UNC13B: variants seen among roughly 807,000 people sequenced by gnomAD.
The protein encoded by UNC13B is unc-13 homolog B.
A neutral mutation model predicts 211.0 loss-of-function variants in UNC13B; 144 were observed. That is an observed-to-expected ratio of 0.68 (90% CI 0.60 to 0.78). UNC13B has a LOEUF of 0.78. UNC13B is among the 30% of genes least tolerant of loss of function. The pLI is 0.00. For synonymous variants in UNC13B, 709 were observed against 725.8 expected (o/e 0.98, Z 0.37); for missense variants, 1,777 against 2,002.0 (o/e 0.89, Z 2.14).
chr9:35,351,324 G>A (rs1564156547), intron 11 of UNC13B: 2 of 1,220,194 alleles, frequency 1.6e-6, no homozygotes, highest in Non-Finnish European at 1.0e-6. Flanking sequence ...GGATCCAGGG[G>A]CATGTGCGAG....
At position 35,293,141 on chromosome 9, in the gene UNC13B, C is replaced by T. The variant is rs140343460; in HGVS notation, c.527-2555C>T. 7.6e-3 allele frequency among the ~76,000 whole-genome samples: 1,157 copies of T among 152,288 alleles called. 20 individuals carry two copies. Among genetic ancestry groups the T allele is most frequent in the African/African-American group, 0.027 (1,111 of 41,562 alleles). On this transcript the variant is annotated intron_variant, in intron 7 of 39. Coordinates refer to ENST00000635942, the MANE Select transcript of UNC13B (RefSeq NM_001371189.2). The stretch of plus-strand genomic sequence containing the variant: ...CTTAGTATATTCTCTCTCTTGCCCT[C>T]TCCTGCTTTTCATATTCTCTTCTAC...
intron 6 of UNC13B, among the ~76,000 whole-genome samples, chr9:35,254,917 TA>T (rs1826736483): frequency 1.2e-5 from 1 of 81,968 alleles, no homozygotes; most frequent in Non-Finnish European, 2.6e-5. Context: ...ATATATAATA[TA>T]CATATATAAT....
intron 11 of UNC13B, among the ~76,000 whole-genome samples, chr9:35,334,712 A>C (rs1168587711): frequency 1.3e-5 from 2 of 152,186 alleles, no homozygotes; most frequent in African/African-American, 4.8e-5. Flanking sequence ...CTTAGTAAAA[A>C]CTCAGCAAAG....
chr9:35,297,561 T>TTTTTTTTTTTTTTTTTTTTGTTTG, intron 8 of UNC13B, among the ~76,000 whole-genome samples: 3 of 128,164 alleles, frequency 2.3e-5, no homozygotes, highest in African/African-American at 8.8e-5. Flanking sequence ...TTTTTTTTTT[T>TTTTTTTTTTTTTTTTTTTTGTTTG]TTTTTTGAGA....
intron 11 of UNC13B, among the ~76,000 whole-genome samples, chr9:35,356,484 G>A (rs1833030527): frequency 6.6e-6 from 1 of 151,744 alleles, no homozygotes; most frequent in Non-Finnish European, 1.5e-5. Context: ...CTTTGATCAG[G>A]GCCATTAGAT....
chr9:35,342,168 G>A (rs1453126491), intron 11 of UNC13B: 1 of 985,334 alleles, frequency 1.0e-6, no homozygotes, highest in Non-Finnish European at 1.2e-6. Context: ...TTGTCGGTTG[G>A]GCAAGCAGTG....
At position 35,384,254 on chromosome 9, in the gene UNC13B, A is replaced by AT. The variant is rs1413089737; in HGVS notation, c.10818dup (p.Val3607CysfsTer21). 1.2e-6 allele frequency: 2 copies of AT among 1,614,036 alleles called. No homozygotes were observed. The highest frequency in any genetic ancestry group is 1.7e-6 in the Non-Finnish European group (2 of 1,179,952). ...TTGTTTCTCACCCTCAGAAAGAGAG[A>AT]TTTGTAAAACTGCTGGACCAGCTAC... On this transcript the variant is annotated frameshift_variant, in exon 22 of 40. Transcript: ENST00000635942. LOFTEE classifies it high-confidence loss of function.
chr9:35,296,643 T>C (rs1829374691), intron 8 of UNC13B, among the ~76,000 whole-genome samples: 1 of 152,194 alleles, frequency 6.6e-6, no homozygotes, highest in South Asian at 2.1e-4. Context: ...TTTGGAGACA[T>C]AATTCAATGA....
rs370882921 is a variant in UNC13B, at chr9:35,403,829, C to T, written c.12819C>T (p.Arg4273=). 3.5e-5 allele frequency: 56 copies of T among 1,614,144 alleles called. 2 individuals are homozygous for T. Among genetic ancestry groups the T allele is most frequent in the African/African-American group, 3.3e-4 (25 of 75,016 alleles). Residue 4273 remains arginine, a synonymous_variant, in exon 40 of 40, where the codon CGC becomes CGT. Coordinates refer to ENST00000635942, the MANE Select transcript of UNC13B (RefSeq NM_001371189.2). Reference sequence around the variant, plus strand: ...ATTACTGCTTTGCCCGGGAAGATCGCGTGCTAGGGCTGGCTGTGATGCCTC... The same window carrying T: ...ATTACTGCTTTGCCCGGGAAGATCGTGTGCTAGGGCTGGCTGTGATGCCTC... ...VKDYCFARED[R]VLGLAVMPLR...
chr9:35,400,465 G>A (rs553025926), intron 37 of UNC13B, 22 bp downstream of exon 37: 1 of 1,606,886 alleles, frequency 6.2e-7, no homozygotes, highest in African/African-American at 1.3e-5. Flanking sequence ...AGGGCTTTGG[G>A]TATCCACCTC....
At chr9:35,184,677 C>T (rs1822237184) in intron 1 of UNC13B, among the ~76,000 whole-genome samples, 1 of 150,284 alleles carries the variant, frequency 6.7e-6, no homozygotes, top group Non-Finnish European at 1.5e-5. Flanking sequence ...CAGTACAGTC[C>T]AGCCTCGACA....
intron 7 of UNC13B, among the ~76,000 whole-genome samples, chr9:35,273,390 C>T (rs973583213): frequency 1.3e-5 from 2 of 152,118 alleles, no homozygotes; most frequent in Non-Finnish European, 1.5e-5. Flanking sequence ...GTGTCCATTG[C>T]GTTGATATTT....
At chr9:35,321,366 G>A (rs556311018) in intron 11 of UNC13B, among the ~76,000 whole-genome samples, 332 of 152,098 alleles carry the variant, frequency 2.2e-3, no homozygotes, top group South Asian at 4.2e-3. Context: ...GACTACAGGC[G>A]TGTGCCACCA....
rs115214143 is a variant in UNC13B at position 35,388,602 on chromosome 9, A to G, written c.11095-1244A>G. The stretch of plus-strand genomic sequence containing the variant: ...GTAAATGAAGGTGATAATAATTTCT[A>G]CTAAATGGAGTTGTTGTGAGGATTA... On this transcript the variant is annotated intron_variant, in intron 24 of 39. Transcript: ENST00000635942. 4.3e-4 allele frequency among the ~76,000 whole-genome samples: 66 copies of G among 152,278 alleles called. 1 individual carries two copies. Among genetic ancestry groups the G allele is most frequent in the African/African-American group, 1.6e-3 (65 of 41,540 alleles).
intron 1 of UNC13B, among the ~76,000 whole-genome samples, chr9:35,171,834 G>A (rs187387337): frequency 5.3e-5 from 8 of 152,254 alleles, no homozygotes; most frequent in Admixed American, 4.6e-4. Flanking sequence ...TTTATTTAAT[G>A]TATTTCTTAA....
At chr9:35,359,971 G>A (rs1449525496) in intron 11 of UNC13B, among the ~76,000 whole-genome samples, 1 of 152,110 alleles carries the variant, frequency 6.6e-6, no homozygotes, top group Admixed American at 6.6e-5. Flanking sequence ...TCTTATAAAG[G>A]CCTGTAGAGC....
In UNC13B at chr9:35,301,956, A is replaced by T. The variant is rs1829706435; in HGVS notation, c.2552A>T (p.Asp851Val). 7.5e-6 allele frequency: 3 copies of T among 398,656 alleles called. No individual in the cohort carries two copies. The South Asian group carries it at 3.8e-4, about 51-fold the overall frequency. The allele number at this position is 398,656 out of a possible 1,614,324, so 24.7% of individuals were successfully genotyped here. ...GGTTTAGAAAGGGGCTCTAAGAAAG[A>T]TGGTCATTCCTTTTCCTTTAGTGGA... ...EDGLERGSKK[D>V]GHSFSFSGKL... Residue 851 changes from aspartate to valine, a missense_variant, in exon 9 of 40, where the codon GAT becomes GTT. By Grantham distance (152) the Asp-to-Val change is radical (BLOSUM62 -3). Transcript: ENST00000635942.
In UNC13B at chr9:35,306,640, G is replaced by C; in HGVS notation, c.7236G>C (p.Lys2412Asn). 2.5e-6 allele frequency: 1 copy of C among 398,962 alleles called. No homozygotes were observed. Among genetic ancestry groups the C allele is most frequent in the Non-Finnish European group, 4.4e-6 (1 of 226,064 alleles). The allele number at this position is 398,962 out of a possible 1,614,324, so 24.7% of individuals were successfully genotyped here. A position where few individuals can be genotyped will look rare whatever the true frequency, so the allele number is the denominator to read the frequency against. ...TTDPVNLPLE[K>N]APDEVLPQIL... Reference sequence around the variant, plus strand: ...ACCCAGTGAACTTGCCATTAGAAAAGGCCCCCGATGAGGTCTTACCACAGA... The same window carrying C: ...ACCCAGTGAACTTGCCATTAGAAAACGCCCCCGATGAGGTCTTACCACAGA... Residue 2412 changes from lysine (K) to asparagine (N), a missense_variant, in exon 9 of 40, where the codon AAG (lysine) becomes AAC (asparagine). Coordinates refer to ENST00000635942, the MANE Select transcript of UNC13B (RefSeq NM_001371189.2).
In UNC13B at chr9:35,162,306, G is replaced by GT; in HGVS notation, c.22+2dup. ...GCCATGTCACTGCTCTGCGTGCGCG[G>GT]TGAGTGCGCGGACTGAGGCGGGGAG... On this transcript the variant is annotated splice_donor_variant, in intron 1 of 39. Coordinates refer to ENST00000635942, the MANE Select transcript of UNC13B (RefSeq NM_001371189.2). LOFTEE classifies it high-confidence loss of function. 4 of 1,543,940 alleles carry GT rather than the reference G, an allele frequency of 2.6e-6. No individual in the cohort carries two copies. The highest frequency in any genetic ancestry group is 1.9e-5 in the Admixed American group (1 of 51,778).
Sources: gnomAD v4.1 joint callset for allele counts (sites outside exome capture counted in the v4.1 genomes callset) on GRCh38, gnomAD v4.1.1 for gene constraint, MANE v1.5 for transcripts, NCBI Gene and HGNC (gene_info 2026-07-23, HGNC 2026-07-21) for gene names.